LTBP2: variants seen among roughly 807,000 people sequenced by gnomAD.
LTBP2 encodes latent-transforming growth factor beta-binding protein 2.
A neutral mutation model predicts 210.6 loss-of-function variants in LTBP2; 103 were observed. The observed-to-expected ratio is 0.49, with a 90% confidence interval of 0.42 to 0.58. The LOEUF is 0.58. Ranked by LOEUF, LTBP2 falls within the 20% of genes least tolerant of loss-of-function variation. LTBP2 has a pLI of 0.00. For missense variants in LTBP2, 2,313 were observed against 2,494.5 expected (o/e 0.93, Z 1.55); for synonymous variants, 1,007 against 1,015.0 (o/e 0.99, Z 0.15).
rs121918355 is a variant in LTBP2 at position 74,555,629 on chromosome 14, G to A, written c.895C>T (p.Arg299Ter). 15 of 1,597,114 alleles carry A rather than the reference G, an allele frequency of 9.4e-6. No homozygotes were observed. Among genetic ancestry groups the A allele is most frequent in the East Asian group, 2.2e-5 (1 of 44,464 alleles). Residue 299 changes from arginine (R) to a stop codon, truncating the protein, a stop_gained, in exon 4 of 36, where the codon CGA (arginine) becomes TGA (stop). Transcript: ENST00000261978. LOFTEE classifies it high-confidence loss of function. ...CTGGCCGTGGCAGTCGGGTGAAGTC[G>A]GACAGTGCGGGACAACCCCACGTGC... ...QQHVGLSRTV[R>*]LHPTATASSQ...
At chr14:74,509,384 C>A (rs764239566) in intron 21 of LTBP2, 21 bp from the exon 22 acceptor site, 2 of 1,612,910 alleles carry the variant, frequency 1.2e-6, no homozygotes, top group East Asian at 2.2e-5. Flanking sequence ...ACAGCGCTCG[C>A]CCGGGGACCT....
At chr14:74,517,065 G>A in intron 17 of LTBP2, 124 bp from the exon 18 acceptor site, 1 of 1,288,658 alleles carries the variant, frequency 7.8e-7, no homozygotes, top group South Asian at 1.3e-5. Context: ...CCTGGGCAGG[G>A]AAGGCATGCT....
intron 8 of LTBP2, among the ~76,000 whole-genome samples, chr14:74,542,249 C>T (rs967246693): frequency 2.6e-5 from 4 of 152,228 alleles, no homozygotes; most frequent in Non-Finnish European, 5.9e-5. Context: ...TGCCGTGCCT[C>T]GGTTGCTCAC....
In LTBP2 at chr14:74,528,954, T is replaced by C. The variant is rs756066748; in HGVS notation, c.2152+4A>G. 6.2e-6 allele frequency: 10 copies of C among 1,610,960 alleles called. No individual in the cohort carries two copies. The highest frequency in any genetic ancestry group is 8.5e-6 in the Non-Finnish European group (10 of 1,179,174). On this transcript the variant is annotated splice_donor_region_variant and intron_variant, in intron 11 of 35. Transcript: ENST00000261978. ...TGAAAGCTGGGATGGGAACAGGAGGTTACCTGTGCCAGGCAGAGGGCATTT... is the reference window on the plus strand; with the variant it reads ...TGAAAGCTGGGATGGGAACAGGAGGCTACCTGTGCCAGGCAGAGGGCATTT...
chr14:74,523,675 G>A (rs984375895), intron 15 of LTBP2, among the ~76,000 whole-genome samples: 2 of 152,146 alleles, frequency 1.3e-5, no homozygotes, highest in Non-Finnish European at 2.9e-5. Flanking sequence ...CTTTCTGAAC[G>A]GTATCCCTAA....
At position 74,503,568 on chromosome 14, in the gene LTBP2, C is replaced by G. The variant is rs143456909; in HGVS notation, c.4621G>C (p.Glu1541Gln). ...ECQDLACENG[E>Q]CVNTEGSFHC... ...AAGGAGCCCTCCGTGTTGACGCACT[C>G]GCCATTCTCACAGGCCAGGTCCTGG... is the stretch of plus-strand genomic sequence containing the variant. The change falls in exon 32 of 36, where the codon GAG (glutamate) becomes CAG (glutamine). Residue 1541 changes from glutamate (E) to glutamine (Q), a missense_variant. Glu to Gln is a conservative substitution (Grantham distance 29). Transcript: ENST00000261978. 5 of 1,613,750 alleles carry G rather than the reference C, an allele frequency of 3.1e-6. No individual in the cohort carries two copies. The highest frequency in any genetic ancestry group is 4.2e-6 in the Non-Finnish European group (5 of 1,180,022).
chr14:74,527,659 T>C (rs565158182), intron 12 of LTBP2, among the ~76,000 whole-genome samples: 2 of 151,852 alleles, frequency 1.3e-5, no homozygotes, highest in Admixed American at 6.6e-5. Flanking sequence ...GTGACAGGAG[T>C]CCCACCTGCT....
intron 3 of LTBP2, among the ~76,000 whole-genome samples, chr14:74,560,533 G>A (rs188093118): frequency 8.5e-5 from 13 of 152,190 alleles, no homozygotes; most frequent in Admixed American, 3.9e-4. Flanking sequence ...CACCCTGCCC[G>A]ACACACTAAG....
rs200582622 is a variant in LTBP2, at chr14:74,506,816, G to A, written c.3915C>T (p.Asp1305=). Residue 1305 remains aspartate (D), a synonymous_variant, in exon 27 of 36, where the codon GAC becomes GAT. Coordinates refer to ENST00000261978, the MANE Select transcript of LTBP2 (RefSeq NM_000428.3). ...CACACATGGTGTCGTTGGCGCACTC[G>A]TCTATGTCTGTGGGACAGTGGGAAC... ...MAPNGDCIDI[D]ECANDTMCGS... The A allele has an allele frequency of 5.6e-6, 9 of 1,614,014 alleles. No homozygotes were observed. Among genetic ancestry groups the A allele is most frequent in the Middle Eastern group, 1.7e-4 (1 of 6,060 alleles).
At chr14:74,553,923 CGTGTGTGTGTGTGTGT>C (rs34143485) in intron 4 of LTBP2, among the ~76,000 whole-genome samples, 10 of 130,640 alleles carry the variant, frequency 7.7e-5, no homozygotes, top group Admixed American at 1.5e-4. Flanking sequence ...AGCGGAGAAA[CGTGTGTGTGTGTGTGT>C]GTGTGTGTGT....
At position 74,611,495 on chromosome 14, in the gene LTBP2, C is replaced by A. The variant is rs111342797; in HGVS notation, c.450G>T (p.Arg150=). 828 of 1,513,898 alleles carry A rather than the reference C, an allele frequency of 5.5e-4. 8 individuals carry two copies. In the African/African-American group the frequency reaches 0.01, roughly 19 times the overall value. 93.8% of individuals were successfully genotyped at this position (1,513,898 alleles called of 1,614,324 possible). ...GCGGGGTTGGGGGCGCAGCCCCAGA[C>A]CGCTGTGGGGTCCCCAGGCGTGGGA... The part of the protein sequence containing the change: ...PALPRLGTPQ[R]SGAAPPTPPR... Residue 150 remains arginine, a synonymous_variant, in exon 1 of 36, where the codon CGG becomes CGT. Coordinates refer to ENST00000261978, the MANE Select transcript of LTBP2 (RefSeq NM_000428.3).
At chr14:74,543,733 A>T (rs1256903934) in intron 8 of LTBP2, among the ~76,000 whole-genome samples, 1 of 152,232 alleles carries the variant, frequency 6.6e-6, no homozygotes, top group Non-Finnish European at 1.5e-5. Context: ...ATAAGCATGT[A>T]CAACTCTGAG....
intron 24 of LTBP2, among the ~76,000 whole-genome samples, 154 bp from the exon 25 acceptor site, chr14:74,508,249 G>A (rs964569703): frequency 8.6e-5 from 13 of 151,998 alleles, no homozygotes; most frequent in Non-Finnish European, 1.6e-4. Flanking sequence ...GCTGTGGGAG[G>A]TGGGCACCGG....
chr14:74,581,771 T>C (rs1434257975), intron 3 of LTBP2, among the ~76,000 whole-genome samples: 1 of 152,198 alleles, frequency 6.6e-6, no homozygotes, highest in African/African-American at 2.4e-5. Context: ...TGTGTTGTTT[T>C]AACCTGCTAA....
rs747573687 is a variant in LTBP2, at chr14:74,611,918, G to A, written c.27C>T (p.Ser9=). ...AGGGGTTCCGCAGGGCGCGCCCCGG[G>A]CTGCGGGCTTTGGTCCGCGGCCTCA... MRPRTKAR[S]PGRALRNPWR... is the part of the protein sequence containing the mutation. The change falls in exon 1 of 36, where the codon AGC becomes AGT. Residue 9 remains serine, a synonymous_variant. Transcript: ENST00000261978. 1 of 1,591,572 alleles carries A rather than the reference G, an allele frequency of 6.3e-7. No individual in the cohort carries two copies. The highest frequency in any genetic ancestry group is 8.5e-7 in the Non-Finnish European group (1 of 1,172,652).
rs59313477 is a variant in LTBP2 at position 74,604,164 on chromosome 14, C to CAAAAAAAA, written c.495-467_495-460dup. ...GCTCCAACTCTACATTGCCTCTCAC[C>CAAAAAAAA]AAAAAAAAAAAAAAAAAAAACCACA... On this transcript the variant is annotated intron_variant, in intron 1 of 35. Coordinates refer to ENST00000261978, the MANE Select transcript of LTBP2 (RefSeq NM_000428.3). Among the ~76,000 whole-genome samples, 69 of 72,714 alleles carry CAAAAAAAA rather than the reference C, an allele frequency of 9.5e-4. 2 individuals carry two copies. Among genetic ancestry groups the CAAAAAAAA allele is most frequent in the African/African-American group, 4.3e-3 (58 of 13,422 alleles). The allele number at this position is 72,714 out of a possible 152,430, so 47.7% of individuals were successfully genotyped here.
At chr14:74,512,266 A>G (rs1033516669) in intron 18 of LTBP2, among the ~76,000 whole-genome samples, 2 of 152,204 alleles carry the variant, frequency 1.3e-5, no homozygotes, top group Admixed American at 6.5e-5. Flanking sequence ...GCCCGGTATC[A>G]AGGCTCTGGC....
At chr14:74,548,379 AT>A (rs1213656426) in intron 8 of LTBP2, among the ~76,000 whole-genome samples, 1 of 152,020 alleles carries the variant, frequency 6.6e-6, no homozygotes, top group Non-Finnish European at 1.5e-5. Flanking sequence ...CCAGCCATCT[AT>A]GACTACCCAC....
chr14:74,603,357 C>A (rs533450093), intron 2 of LTBP2, among the ~76,000 whole-genome samples: 3 of 152,292 alleles, frequency 2.0e-5, no homozygotes, highest in East Asian at 1.9e-4. Context: ...CAACTCTCGA[C>A]CTCAAGTGAT....
Sources: gnomAD v4.1 joint callset for allele counts (sites outside exome capture counted in the v4.1 genomes callset) on GRCh38, gnomAD v4.1.1 for gene constraint, MANE v1.5 for transcripts, NCBI Gene and HGNC (gene_info 2026-07-23, HGNC 2026-07-21) for gene names.